Variants in CABLES1 observed in about 807,000 individuals in gnomAD.
The protein encoded by CABLES1 is Cdk5 and Abl enzyme substrate 1, also known as CDK5 and ABL1 enzyme substrate 1.
A neutral mutation model predicts 57.8 loss-of-function variants in CABLES1; 36 were observed. The ratio of observed to expected loss-of-function variants is 0.62; its 90% confidence interval spans 0.48 to 0.82. The LOEUF (loss-of-function observed/expected upper bound fraction) is 0.82. Ranked by LOEUF, CABLES1 falls within the 40% of genes least tolerant of loss-of-function variation. CABLES1 has a pLI of 0.00. For synonymous variants in CABLES1, 374 were observed against 363.0 expected, an observed-to-expected ratio of 1.03 and a Z score of -0.35; for missense variants, 767 against 836.6, an observed-to-expected ratio of 0.92 and a Z score of 1.03.
Position 23,136,582 on chromosome 18 carries a change from G to A in CABLES1, c.820G>A (p.Ala274Thr). 2 of 1,495,958 alleles carry A rather than the reference G, an allele frequency of 1.3e-6. No homozygotes were observed. Among genetic ancestry groups the A allele is most frequent in the Middle Eastern group, 1.8e-4 (1 of 5,658 alleles). The allele number at this position is 1,495,958 out of a possible 1,614,324, so 92.7% of individuals were successfully genotyped here. ...EQPGQGGSTS[A>T]FEQLQRSRRR... ...GCCAGGCCAGGGCGGCAGCACCAGC[G>A]CCTTCGAGCAGCTGCAGAGGTCCCG... Residue 274 changes from alanine (A) to threonine (T), a missense_variant, in exon 1 of 10, where the codon GCC (alanine) becomes ACC (threonine). This residue lies in a region of CABLES1 where 529 missense variants were observed against 622.8 expected (regional missense o/e 0.85). Coordinates refer to ENST00000256925, the MANE Select transcript of CABLES1 (RefSeq NM_001100619.3).
chr18:23,240,549 G>A (rs998790143), intron 7 of CABLES1, among the ~76,000 whole-genome samples: 25 of 152,266 alleles, frequency 1.6e-4, no homozygotes, highest in Admixed American at 9.2e-4. Context: ...CACTAGGCTA[G>A]TGTGAGGATC....
At chr18:23,134,824 T>C (rs964409842), upstream of CABLES1, among the ~76,000 whole-genome samples, 1 of 152,096 alleles carries the variant, frequency 6.6e-6, no homozygotes, top group Non-Finnish European at 1.5e-5. Context: ...ACATGTAAGA[T>C]GTTCGTGCTT....
intron 1 of CABLES1, among the ~76,000 whole-genome samples, chr18:23,137,084 C>T (rs2046827975): frequency 6.6e-6 from 1 of 152,218 alleles, no homozygotes; most frequent in African/African-American, 2.4e-5. Flanking sequence ...TTCTTGCCTG[C>T]GCTCCAAGTC....
intron 4 of CABLES1, among the ~76,000 whole-genome samples, chr18:23,217,228 C>T (rs766942712): frequency 2.0e-5 from 3 of 152,014 alleles, no homozygotes; most frequent in Non-Finnish European, 1.5e-5. Context: ...ACTACAGTCG[C>T]GCGCCACCAC....
At chr18:23,167,901 G>A (rs749064074) in intron 1 of CABLES1, among the ~76,000 whole-genome samples, 12 of 152,198 alleles carry the variant, frequency 7.9e-5, no homozygotes, top group Admixed American at 2.6e-4. Flanking sequence ...GCAGGCGCTC[G>A]CGCCCTTCGG....
chr18:23,252,898 G>C lies in CABLES1; in HGVS notation c.1447-62G>C, dbSNP rs534606164. ...GAGTTGTAAGTTGGTCGTAGTTGGT[G>C]CATAATTATTACATACGACCCTTGT... On this transcript the variant is annotated intron_variant, in intron 7 of 9. Coordinates refer to ENST00000256925, the MANE Select transcript of CABLES1 (RefSeq NM_001100619.3). 6.3e-6 allele frequency: 7 copies of C among 1,118,746 alleles called. No individual in the cohort carries two copies. In the South Asian group the frequency reaches 7.6e-5, roughly 12 times the overall value. The allele number at this position is 1,118,746 out of a possible 1,614,324, so 69.3% of individuals were successfully genotyped here.
intron 1 of CABLES1, among the ~76,000 whole-genome samples, chr18:23,187,320 G>A (rs774326922): frequency 2.3e-4 from 35 of 152,232 alleles, no homozygotes; most frequent in Non-Finnish European, 4.6e-4. Flanking sequence ...CACACACATT[G>A]ATGAGTGAGG....
chr18:23,152,344 A>G (rs1368599825), intron 1 of CABLES1, among the ~76,000 whole-genome samples: 1 of 152,098 alleles, frequency 6.6e-6, no homozygotes, highest in East Asian at 1.9e-4. Flanking sequence ...TTACTGTCCT[A>G]ATGGCTTGAG....
chr18:23,212,006 C>T (rs1200440531), intron 3 of CABLES1, among the ~76,000 whole-genome samples: 9 of 152,202 alleles, frequency 5.9e-5, no homozygotes, highest in African/African-American at 1.7e-4. Flanking sequence ...GACCAGCGTC[C>T]GGGCCCGTGG....
intron 1 of CABLES1, among the ~76,000 whole-genome samples, chr18:23,173,204 T>A (rs2047095790): frequency 1.3e-5 from 2 of 152,200 alleles, no homozygotes; most frequent in African/African-American, 4.8e-5. Context: ...TGCTGGAGCA[T>A]CTGTCGATGT....
At chr18:23,255,407 G>A (rs1478597583) in intron 9 of CABLES1, among the ~76,000 whole-genome samples, 1 of 152,168 alleles carries the variant, frequency 6.6e-6, no homozygotes, top group African/African-American at 2.4e-5. Flanking sequence ...ATTGAAAAGA[G>A]TATTTTTTAG....
At chr18:23,138,916 G>A (rs1228771124) in intron 1 of CABLES1, among the ~76,000 whole-genome samples, 2 of 152,158 alleles carry the variant, frequency 1.3e-5, no homozygotes, top group African/African-American at 4.8e-5. Flanking sequence ...TTCACTGGGA[G>A]CAGTTAGAAA....
At chr18:23,249,784 G>C (rs542224819) in intron 7 of CABLES1, among the ~76,000 whole-genome samples, 11 of 152,110 alleles carry the variant, frequency 7.2e-5, no homozygotes, top group African/African-American at 2.6e-4. Context: ...CACTGCTAGC[G>C]ATCTTCTCGG....
At chr18:23,143,240 C>T (rs1395950433) in intron 1 of CABLES1, among the ~76,000 whole-genome samples, 1 of 152,226 alleles carries the variant, frequency 6.6e-6, no homozygotes, top group African/African-American at 2.4e-5. Flanking sequence ...ATAGGGATTC[C>T]TGTGACTCTG....
At chr18:23,207,544 CAT>C in intron 3 of CABLES1, among the ~76,000 whole-genome samples, 1 of 152,158 alleles carries the variant, frequency 6.6e-6, no homozygotes, top group East Asian at 1.9e-4. Flanking sequence ...CCCTAGTTCC[CAT>C]CAGAGAACTT....
intron 4 of CABLES1, among the ~76,000 whole-genome samples, chr18:23,225,822 C>T (rs2047523274): frequency 6.6e-6 from 1 of 152,244 alleles, no homozygotes; most frequent in Non-Finnish European, 1.5e-5. Flanking sequence ...GCAACTTTCT[C>T]AACTTTCCTA....
At chr18:23,224,572 T>G (rs8089230) in intron 4 of CABLES1, among the ~76,000 whole-genome samples, 27,005 of 141,422 alleles carry the variant, frequency 0.19, 2,687 homozygotes, top group Non-Finnish European at 0.21. Flanking sequence ...TTTTTTTTTT[T>G]TTTTTTTTTT....
At chr18:23,245,945 C>T (rs775408981) in intron 7 of CABLES1, among the ~76,000 whole-genome samples, 3 of 152,218 alleles carry the variant, frequency 2.0e-5, no homozygotes, top group Admixed American at 6.5e-5. Flanking sequence ...TCTGGTGAAT[C>T]CCATGGCCTG....
chr18:23,157,891 C>T (rs569551015), intron 1 of CABLES1, among the ~76,000 whole-genome samples: 1 of 152,094 alleles, frequency 6.6e-6, no homozygotes, highest in Admixed American at 6.5e-5. Context: ...AGCCAGACTG[C>T]CCAGGTTTGA....
Sources: gnomAD v4.1 joint callset for allele counts (sites outside exome capture counted in the v4.1 genomes callset) on GRCh38, gnomAD v4.1.1 for gene constraint, gnomAD v4.1.1 regional missense constraint, MANE v1.5 for transcripts, NCBI Gene and HGNC (gene_info 2026-07-23, HGNC 2026-07-21) for gene names.